Variants in ARHGAP26 observed in about 807,000 individuals in gnomAD.
The protein encoded by ARHGAP26 is Rho GTPase activating protein 26.
In ARHGAP26, 38 loss-of-function variants were observed where a neutral mutation model predicts 104.8. The ratio of observed to expected loss-of-function variants is 0.36; its 90% CI spans 0.28 to 0.48. The LOEUF is 0.48. ARHGAP26 is among the 20% of genes least tolerant of loss of function. ARHGAP26 has a pLI of 0.99. For synonymous variants in ARHGAP26, 341 were observed against 340.0 expected, an observed-to-expected ratio of 1.00 and a Z score of -0.03; for missense variants, 704 against 947.9, an observed-to-expected ratio of 0.74 and a Z score of 3.38.
chr5:143,162,003 T>C (rs1801291884), intron 20 of ARHGAP26, among the ~76,000 whole-genome samples: 1 of 152,220 alleles, frequency 6.6e-6, no homozygotes. Context: ...TCTGTCATCA[T>C]ATCAGACGTC....
chr5:143,115,364 AAAG>A (rs1795307625), intron 17 of ARHGAP26, among the ~76,000 whole-genome samples: 1 of 151,884 alleles, frequency 6.6e-6, no homozygotes, highest in Non-Finnish European at 1.5e-5. Flanking sequence ...AAAACGAAAG[AAAG>A]AAAAGACGTA....
intron 11 of ARHGAP26, among the ~76,000 whole-genome samples, chr5:142,967,548 G>A (rs35237495): frequency 0.086 from 13,098 of 152,182 alleles, 1,484 homozygotes; most frequent in African/African-American, 0.26. Context: ...TTGGGAGGCC[G>A]AGGCAGGTGG....
At chr5:143,126,013 C>T (rs1796689025) in intron 18 of ARHGAP26, among the ~76,000 whole-genome samples, 1 of 152,152 alleles carries the variant, frequency 6.6e-6, no homozygotes, top group Non-Finnish European at 1.5e-5. Flanking sequence ...TGAATATCTA[C>T]CATTAGCCAA....
intron 5 of ARHGAP26, among the ~76,000 whole-genome samples, chr5:142,885,906 T>A (rs899444715): frequency 1.0e-3 from 152 of 152,340 alleles, no homozygotes; most frequent in African/African-American, 3.5e-3. Flanking sequence ...TTGTCCTGTA[T>A]ATATTTTGTG....
intron 10 of ARHGAP26, among the ~76,000 whole-genome samples, chr5:142,926,973 G>T (rs979067732): frequency 6.6e-6 from 1 of 152,116 alleles, no homozygotes; most frequent in African/African-American, 2.4e-5. Context: ...TGTAATCCTG[G>T]TAACGCTGGG....
At position 143,127,854 on chromosome 5, in the gene ARHGAP26, T is replaced by C. The variant is rs186476195; in HGVS notation, c.1699-6113T>C. The stretch of plus-strand genomic sequence containing the variant: ...TTGATATTTCAAACAGTTGTTGATA[T>C]GCAAAATTAATAAAAAGGTATGACT... On this transcript the variant is annotated intron_variant, in intron 18 of 22. Transcript: ENST00000645722. Among the ~76,000 whole-genome samples, 4 of 152,378 alleles carry C rather than the reference T, an allele frequency of 2.6e-5. No homozygotes were observed. The East Asian group carries it at 5.8e-4, about 22-fold the overall frequency.
chr5:142,866,537 G>T lies in ARHGAP26; in HGVS notation c.155-6863G>T, dbSNP rs1002808868. 3.3e-5 allele frequency among the ~76,000 whole-genome samples: 5 copies of T among 152,182 alleles called. 1 individual carries two copies. The highest frequency in any genetic ancestry group is 3.3e-4 in the Admixed American group (5 of 15,290). ...CATAGTTATTTGGATGTAGATTAAG[G>T]TGAGTTTGGGTAGCCCAAATTATTT... On this transcript the variant is annotated intron_variant, in intron 1 of 22. Transcript: ENST00000645722.
chr5:142,952,101 C>T (rs924083694), intron 11 of ARHGAP26, among the ~76,000 whole-genome samples: 5 of 152,178 alleles, frequency 3.3e-5, no homozygotes, highest in African/African-American at 1.2e-4. Flanking sequence ...GGACATTTGC[C>T]ATTGGATTTA....
At chr5:142,842,694 G>A (rs1482578792) in intron 1 of ARHGAP26, among the ~76,000 whole-genome samples, 4 of 152,182 alleles carry the variant, frequency 2.6e-5, no homozygotes, top group African/African-American at 9.7e-5. Context: ...CTTTGGGCAG[G>A]CACTTAACAT....
intron 9 of ARHGAP26, 95 bp from the exon 10 acceptor site, chr5:142,913,104 T>C: frequency 9.3e-7 from 1 of 1,070,022 alleles, no homozygotes; most frequent in South Asian, 1.3e-5. Context: ...TTTGAGAAGA[T>C]GAAATGATTG....
At chr5:143,121,585 T>G (rs1187664583) in intron 18 of ARHGAP26, among the ~76,000 whole-genome samples, 2 of 152,250 alleles carry the variant, frequency 1.3e-5, no homozygotes, top group African/African-American at 4.8e-5. Flanking sequence ...TTTCTTCATT[T>G]GTGTTGCAAA....
At chr5:142,942,781 GT>G (rs1420665229) in intron 11 of ARHGAP26, among the ~76,000 whole-genome samples, 2 of 151,908 alleles carry the variant, frequency 1.3e-5, no homozygotes, top group African/African-American at 4.8e-5. Flanking sequence ...GTGGGTTTTT[GT>G]TGTTGTTGTT....
At chr5:143,022,365 G>T (rs192469127) in intron 12 of ARHGAP26, among the ~76,000 whole-genome samples, 2 of 152,350 alleles carry the variant, frequency 1.3e-5, no homozygotes, top group African/African-American at 4.8e-5. Context: ...GAGCCACTGC[G>T]CCTGGCCAAT....
intron 17 of ARHGAP26, among the ~76,000 whole-genome samples, chr5:143,085,994 A>G (rs113583642): frequency 6.6e-6 from 1 of 152,170 alleles, no homozygotes; most frequent in African/African-American, 2.4e-5. Flanking sequence ...AATTTTTTTC[A>G]CAAAGAAACA....
At chr5:143,173,177 A>G (rs968611419) in intron 20 of ARHGAP26, 1 of 164,738 alleles carries the variant, frequency 6.1e-6, no homozygotes, top group Non-Finnish European at 1.3e-5. Flanking sequence ...AAAGTTACCC[A>G]TGGGAAGATG....
intron 6 of ARHGAP26, among the ~76,000 whole-genome samples, chr5:142,899,880 G>A (rs1760045861): frequency 6.6e-6 from 1 of 152,208 alleles, no homozygotes; most frequent in African/African-American, 2.4e-5. Flanking sequence ...CCTTTGGGGA[G>A]CACTTGCGGG....
chr5:142,786,654 A>ATT (rs70991779), intron 1 of ARHGAP26, among the ~76,000 whole-genome samples: 493 of 104,370 alleles, frequency 4.7e-3, no homozygotes, highest in Middle Eastern at 7.0e-3. Flanking sequence ...GAGTTCTAGA[A>ATT]TTTTTTTTTT....
chr5:143,168,535 AC>A (rs983988495), intron 20 of ARHGAP26: 1 of 136,332 alleles, frequency 7.3e-6, no homozygotes, highest in Admixed American at 8.6e-5. Flanking sequence ...ACAAGATCTT[AC>A]GACATTCTGC....
intron 17 of ARHGAP26, among the ~76,000 whole-genome samples, chr5:143,107,728 T>A (rs1216159294): frequency 2.0e-5 from 3 of 152,214 alleles, no homozygotes. Context: ...AATCGTTCGG[T>A]GTCTTTGTTA....
Sources: allele counts gnomAD v4.1 joint callset (sites outside exome capture counted in the v4.1 genomes callset), GRCh38; gene constraint gnomAD v4.1.1; transcripts MANE v1.5; gene names NCBI Gene and HGNC (gene_info 2026-07-23, HGNC 2026-07-21).